PAPPA2: variants seen among roughly 807,000 people sequenced by gnomAD.
PAPPA2 encodes pappalysin 2.
Under a neutral mutation model 176.4 loss-of-function variants are expected in PAPPA2, and 86 were observed. That is an observed-to-expected ratio of 0.49 (90% CI 0.41 to 0.58). The LOEUF (loss-of-function observed/expected upper bound fraction) is 0.58, where lower values mean the gene tolerates loss of function less well. Ranked by LOEUF, PAPPA2 falls within the 20% of genes least tolerant of loss-of-function variation. The pLI is 0.00. For synonymous variants in PAPPA2, 809 were observed against 852.2 expected, an observed-to-expected ratio of 0.95 and a Z score of 0.88; for missense variants, 2,073 against 2,256.9, an observed-to-expected ratio of 0.92 and a Z score of 1.65.
intron 1 of PAPPA2, among the ~76,000 whole-genome samples, chr1:176,496,092 A>T (rs1647601667): frequency 1.3e-5 from 2 of 152,266 alleles, no homozygotes. Context: ...CAACTTTTTT[A>T]AATTTTATTA....
At position 176,595,334 on chromosome 1, in the gene PAPPA2, T is replaced by G; in HGVS notation, c.1730T>G (p.Leu577Arg). ...GTCCACCAGGTCCACAATTCCACCCTGCGACACCGGGTTGTGCTTGTGAAC... is the reference window on the plus strand; with the variant it reads ...GTCCACCAGGTCCACAATTCCACCCGGCGACACCGGGTTGTGCTTGTGAAC... Reference protein sequence around the residue: ...LSVHQVHNSTLRHRVVLVNCE... With the variant: ...LSVHQVHNSTRRHRVVLVNCE... Residue 577 changes from leucine (L) to arginine (R), a missense_variant, in exon 3 of 23, where the codon CTG (leucine) becomes CGG (arginine). Coordinates refer to ENST00000367662, the MANE Select transcript of PAPPA2 (RefSeq NM_020318.3). 1 of 1,614,170 alleles carries G rather than the reference T, an allele frequency of 6.2e-7. No homozygotes were observed. Among genetic ancestry groups the G allele is most frequent in the Non-Finnish European group, 8.5e-7 (1 of 1,180,022 alleles).
At chr1:176,639,181 T>C (rs1321878837) in intron 3 of PAPPA2, among the ~76,000 whole-genome samples, 2 of 152,096 alleles carry the variant, frequency 1.3e-5, no homozygotes, top group Admixed American at 1.3e-4. Context: ...TGGTTCTTTC[T>C]CCATTATGTT....
intron 3 of PAPPA2, among the ~76,000 whole-genome samples, chr1:176,642,720 T>C (rs964815668): frequency 3.3e-5 from 5 of 151,870 alleles, no homozygotes; most frequent in African/African-American, 1.2e-4. Flanking sequence ...GCATCAGTAA[T>C]TGAGTGTATG....
At chr1:176,545,513 T>G (rs1301410883) in intron 1 of PAPPA2, among the ~76,000 whole-genome samples, 1 of 152,076 alleles carries the variant, frequency 6.6e-6, no homozygotes, top group Non-Finnish European at 1.5e-5. Flanking sequence ...TATACCATAA[T>G]CAATATAGTA....
intron 14 of PAPPA2, among the ~76,000 whole-genome samples, chr1:176,745,856 A>G (rs546412389): frequency 6.6e-6 from 1 of 152,308 alleles, no homozygotes; most frequent in African/African-American, 2.4e-5. Flanking sequence ...GGTGCAGGTA[A>G]AAGCTCATGA....
At chr1:176,707,617 T>C (rs1478437095) in intron 10 of PAPPA2, among the ~76,000 whole-genome samples, 1 of 152,178 alleles carries the variant, frequency 6.6e-6, no homozygotes, top group East Asian at 1.9e-4. Flanking sequence ...CCATTCTGTT[T>C]ACAAATGGCC....
intron 14 of PAPPA2, among the ~76,000 whole-genome samples, chr1:176,749,331 G>C (rs1478855957): frequency 6.6e-6 from 1 of 152,060 alleles, no homozygotes; most frequent in Non-Finnish European, 1.5e-5. Flanking sequence ...TTGAAAGGAA[G>C]GTACAGAGAT....
intron 4 of PAPPA2, among the ~76,000 whole-genome samples, chr1:176,681,950 C>T (rs1659607076): frequency 1.3e-5 from 2 of 152,074 alleles, no homozygotes; most frequent in African/African-American, 4.8e-5. Context: ...CGGGTAGGAC[C>T]ACTCCCTGGG....
At chr1:176,702,796 AGAGAGAGG>A (rs2102823363) in intron 9 of PAPPA2, 61 bp downstream of exon 9, 3 of 1,424,012 alleles carry the variant, frequency 2.1e-6, no homozygotes, top group Non-Finnish European at 2.9e-6. Context: ...AGAGAGAGAG[AGAGAGAGG>A]GAGGGAGAGA....
chr1:176,476,691 T>G (rs1330054680), intron 1 of PAPPA2, among the ~76,000 whole-genome samples: 2 of 152,222 alleles, frequency 1.3e-5, no homozygotes, highest in African/African-American at 4.8e-5. Flanking sequence ...TTGGCTCAAC[T>G]GCCAGTTTTG....
chr1:176,634,744 A>C (rs1656562936), intron 3 of PAPPA2, among the ~76,000 whole-genome samples: 1 of 151,886 alleles, frequency 6.6e-6, no homozygotes, highest in Non-Finnish European at 1.5e-5. Context: ...TAGAGATAGA[A>C]GTTTCATTGA....
At chr1:176,692,705 C>T (rs1481590883) in intron 6 of PAPPA2, among the ~76,000 whole-genome samples, 1 of 152,182 alleles carries the variant, frequency 6.6e-6, no homozygotes, top group Admixed American at 6.5e-5. Flanking sequence ...CATGCTTCTC[C>T]AGGCACTTCT....
intron 3 of PAPPA2, among the ~76,000 whole-genome samples, chr1:176,646,820 A>G (rs1657424335): frequency 6.6e-6 from 1 of 151,468 alleles, no homozygotes; most frequent in African/African-American, 2.4e-5. Context: ...GTTGATGTAC[A>G]CTTAGGTTGC....
At chr1:176,555,000 T>TGAGA (rs59521055) in intron 1 of PAPPA2, among the ~76,000 whole-genome samples, 81 of 145,686 alleles carry the variant, frequency 5.6e-4, no homozygotes, top group African/African-American at 1.8e-3. Flanking sequence ...TGTGTGTGTG[T>TGAGA]GAGAGAGAGA....
At chr1:176,557,748 C>T (rs1213063568) in intron 2 of PAPPA2, among the ~76,000 whole-genome samples, 1 of 152,080 alleles carries the variant, frequency 6.6e-6, no homozygotes, top group African/African-American at 2.4e-5. Flanking sequence ...CTCTGAGTGC[C>T]CTGGATCTTG....
At chr1:176,707,984 G>T (rs2102830117) in intron 10 of PAPPA2, among the ~76,000 whole-genome samples, 1 of 152,216 alleles carries the variant, frequency 6.6e-6, no homozygotes, top group African/African-American at 2.4e-5. Context: ...GATGTGGTCT[G>T]GCTATGCCGA....
At chr1:176,542,474 G>T (rs544992946) in intron 1 of PAPPA2, among the ~76,000 whole-genome samples, 1 of 152,284 alleles carries the variant, frequency 6.6e-6, no homozygotes, top group South Asian at 2.1e-4. Context: ...AATGTTCTTT[G>T]TTACAGGCTG....
chr1:176,736,503 T>A (rs998864806), intron 12 of PAPPA2, among the ~76,000 whole-genome samples: 2 of 147,238 alleles, frequency 1.4e-5, no homozygotes, highest in Non-Finnish European at 3.0e-5. Flanking sequence ...TTATATATAT[T>A]TTATGTATGT....
intron 22 of PAPPA2, among the ~76,000 whole-genome samples, chr1:176,841,167 A>C (rs1667475796): frequency 6.6e-6 from 1 of 152,144 alleles, no homozygotes; most frequent in Non-Finnish European, 1.5e-5. Context: ...ATCCTAAACT[A>C]AGAAACAGAT....
Sources: gnomAD v4.1 joint callset for allele counts (sites outside exome capture counted in the v4.1 genomes callset) on GRCh38, gnomAD v4.1.1 for gene constraint, MANE v1.5 for transcripts, NCBI Gene and HGNC (gene_info 2026-07-23, HGNC 2026-07-21) for gene names.